Variants in CARMIL1 observed in about 807,000 individuals in gnomAD.
The protein encoded by CARMIL1 is F-actin-uncapping protein LRRC16A.
Under a neutral mutation model 177.1 loss-of-function variants are expected in CARMIL1, and 90 were observed. That is an observed-to-expected ratio of 0.51 (90% CI 0.43 to 0.61). CARMIL1 has a LOEUF of 0.61. Ranked by LOEUF, CARMIL1 falls within the 20% of genes least tolerant of loss-of-function variation. The pLI, the probability that CARMIL1 is intolerant of heterozygous loss-of-function variation, is 0.00. For synonymous variants in CARMIL1, 577 were observed against 606.2 expected, an observed-to-expected ratio of 0.95 and a Z score of 0.71; for missense variants, 1,380 against 1,667.0, an observed-to-expected ratio of 0.83 and a Z score of 3.00.
intron 11 of CARMIL1, among the ~76,000 whole-genome samples, chr6:25,477,247 A>C (rs1801662097): frequency 6.6e-6 from 1 of 152,148 alleles, no homozygotes; most frequent in Non-Finnish European, 1.5e-5. Context: ...GGAAACTCTC[A>C]AAGAGTTGTA....
At chr6:25,556,189 A>C (rs1354386949) in intron 28 of CARMIL1, among the ~76,000 whole-genome samples, 1 of 152,176 alleles carries the variant, frequency 6.6e-6, no homozygotes, top group African/African-American at 2.4e-5. Context: ...GAAGTTTGTT[A>C]ATTTCAGCCA....
chr6:25,515,059 A>G lies in CARMIL1; in HGVS notation c.1633-616A>G, dbSNP rs565867767. Among the ~76,000 whole-genome samples, 3 of 152,376 alleles carry G rather than the reference A, an allele frequency of 2.0e-5. No individual in the cohort carries two copies. Among genetic ancestry groups the G allele is most frequent in the East Asian group, 3.8e-4 (2 of 5,196 alleles). ...TACATCTGGGTTTGAATCCTAGTTCAGGTGCTTTCTAACAATGTAACCTTG... is the reference window on the plus strand; with the variant it reads ...TACATCTGGGTTTGAATCCTAGTTCGGGTGCTTTCTAACAATGTAACCTTG... On this transcript the variant is annotated intron_variant, in intron 20 of 36. Transcript: ENST00000329474. This position sits in a 1 kb window ranked among gnomAD's most constrained non-coding sequence, Gnocchi z 5.0.
intron 8 of CARMIL1, among the ~76,000 whole-genome samples, chr6:25,459,258 C>CTTTCTTTCTTTCTTTCTTTCTTTCTTTCT: frequency 9.1e-6 from 1 of 109,988 alleles, no homozygotes; most frequent in Non-Finnish European, 1.8e-5. Context: ...TTCTTTCTTT[C>CTTTCTTTCTTTCTTTCTTTCTTTCTTTCT]TTTCTTTCTT....
At chr6:25,397,922 G>A (rs1051517345) in intron 2 of CARMIL1, among the ~76,000 whole-genome samples, 2 of 152,114 alleles carry the variant, frequency 1.3e-5, no homozygotes, top group Admixed American at 6.5e-5. Context: ...AATAGCACAT[G>A]CTTTCTGTGT....
At chr6:25,284,007 C>T (rs1176093037) in intron 1 of CARMIL1, among the ~76,000 whole-genome samples, 1 of 152,218 alleles carries the variant, frequency 6.6e-6, no homozygotes, top group Middle Eastern at 3.4e-3. Context: ...CGTGAGCCAA[C>T]GTGCCCAGCC....
intron 2 of CARMIL1, among the ~76,000 whole-genome samples, chr6:25,402,030 T>C (rs1036630315): frequency 6.6e-6 from 1 of 151,986 alleles, no homozygotes; most frequent in African/African-American, 2.4e-5. Flanking sequence ...TCCCTTTTTA[T>C]GCCTTCCTAA....
At chr6:25,422,558 A>C (rs1795949451) in intron 3 of CARMIL1, among the ~76,000 whole-genome samples, 1 of 152,196 alleles carries the variant, frequency 6.6e-6, no homozygotes, top group South Asian at 2.1e-4. Context: ...AGATAATATA[A>C]AATGAGCCTA....
chr6:25,477,424 C>T (rs1199644341), intron 11 of CARMIL1, among the ~76,000 whole-genome samples: 1 of 151,976 alleles, frequency 6.6e-6, no homozygotes, highest in Non-Finnish European at 1.5e-5. Flanking sequence ...TGCTAGATAC[C>T]CTCCTGCTCT....
chr6:25,377,403 A>G (rs1432165435), intron 2 of CARMIL1, among the ~76,000 whole-genome samples: 1 of 152,136 alleles, frequency 6.6e-6, no homozygotes, highest in Non-Finnish European at 1.5e-5. Flanking sequence ...CCTTGATGTC[A>G]TGTACTTCTT....
At chr6:25,293,267 T>G (rs1414499938) in intron 2 of CARMIL1, among the ~76,000 whole-genome samples, 9 of 98,964 alleles carry the variant, frequency 9.1e-5, no homozygotes, top group Middle Eastern at 4.3e-3. Flanking sequence ...GGATGCTTGG[T>G]GTGTGTGTGT....
At chr6:25,504,341 C>T (rs979100053) in intron 17 of CARMIL1, among the ~76,000 whole-genome samples, 4 of 152,066 alleles carry the variant, frequency 2.6e-5, no homozygotes, top group African/African-American at 9.7e-5. Context: ...ATGCTGGTTC[C>T]TTTATTGTTC....
chr6:25,528,256 A>G (rs764972112), intron 23 of CARMIL1, among the ~76,000 whole-genome samples: 9 of 152,332 alleles, frequency 5.9e-5, no homozygotes, highest in Non-Finnish European at 1.2e-4. Context: ...AAATTAGTAT[A>G]TATCTTTGAG....
rs768934405 is a variant in CARMIL1 at position 25,606,191 on chromosome 6, G to C, written c.3765G>C (p.Pro1255=). The change falls in exon 35 of 37, where the codon CCG becomes CCC. Residue 1255 remains proline (P), a synonymous_variant. Transcript: ENST00000329474. Reference sequence around the variant, plus strand: ...GCTCATCCAGCACACCTACGAGCCCGAAGCCCCTCCTGCAGTCCCCCAAAC... The same window carrying C: ...GCTCATCCAGCACACCTACGAGCCCCAAGCCCCTCCTGCAGTCCCCCAAAC... The part of the protein sequence containing the change: ...SRSSSSTPTS[P]KPLLQSPKPS... 33 of 1,613,844 alleles carry C rather than the reference G, an allele frequency of 2.0e-5. No homozygotes were observed. In the South Asian group the frequency reaches 3.1e-4, roughly 15 times the overall value.
intron 5 of CARMIL1, among the ~76,000 whole-genome samples, chr6:25,438,766 G>A (rs1436203296): frequency 1.3e-5 from 2 of 152,174 alleles, no homozygotes; most frequent in African/African-American, 2.4e-5. Flanking sequence ...TCGTGGGAAA[G>A]AGGTTGGGAT....
chr6:25,567,718 A>G (rs1190044136), intron 29 of CARMIL1, among the ~76,000 whole-genome samples: 3 of 152,240 alleles, frequency 2.0e-5, no homozygotes, highest in African/African-American at 7.2e-5. Context: ...GGAGGGAGAA[A>G]GAAAACTAGT....
At chr6:25,588,163 C>G (rs558540582) in intron 31 of CARMIL1, among the ~76,000 whole-genome samples, 2 of 152,106 alleles carry the variant, frequency 1.3e-5, no homozygotes, top group Non-Finnish European at 2.9e-5. Flanking sequence ...TTTATAGCAG[C>G]GACTTGAGCA....
chr6:25,426,965 C>T (rs1006672364), intron 4 of CARMIL1, among the ~76,000 whole-genome samples: 6 of 152,122 alleles, frequency 3.9e-5, no homozygotes, highest in African/African-American at 1.4e-4. Context: ...TGGGCTATAA[C>T]TAACTGCAGT....
intron 26 of CARMIL1, among the ~76,000 whole-genome samples, chr6:25,546,673 A>C (rs200659015): frequency 0.44 from 65,056 of 147,670 alleles, 14,508 homozygotes; most frequent in East Asian, 0.48. Flanking sequence ...CAACAACAAA[A>C]AAAAAAAAAA....
At chr6:25,466,287 T>G (rs529103751) in intron 9 of CARMIL1, among the ~76,000 whole-genome samples, 1 of 152,322 alleles carries the variant, frequency 6.6e-6, no homozygotes, top group African/African-American at 2.4e-5. Context: ...TATATTCCTA[T>G]CTTACACTCT....
Sources: gnomAD v4.1 joint callset for allele counts (sites outside exome capture counted in the v4.1 genomes callset) on GRCh38, gnomAD v4.1.1 for gene constraint, Gnocchi (gnomAD v3.1) non-coding constraint, MANE v1.5 for transcripts, NCBI Gene and HGNC (gene_info 2026-07-23, HGNC 2026-07-21) for gene names.